Variants in CNTN6 observed in about 807,000 individuals in gnomAD.
The protein encoded by CNTN6 is contactin-6.
A neutral mutation model predicts 122.8 loss-of-function variants in CNTN6; 137 were observed. The observed-to-expected ratio is 1.12, with a 90% CI of 0.97 to 1.29. The LOEUF (loss-of-function observed/expected upper bound fraction) is 1.29, where lower values mean the gene tolerates loss of function less well. Ranked by LOEUF, CNTN6 falls within the 50% of genes most tolerant of loss-of-function variation. The probability of loss-of-function intolerance (pLI) is 0.00; values close to 1 mark genes in which losing one functional copy is unlikely to be tolerated. For missense variants in CNTN6, 1,634 were observed against 1,223.4 expected (o/e 1.34, Z -5.01); for synonymous variants, 570 against 426.0 (o/e 1.34, Z -4.16).
At chr3:1,130,112 A>G (rs2092297026) in intron 1 of CNTN6, among the ~76,000 whole-genome samples, 1 of 152,070 alleles carries the variant, frequency 6.6e-6, no homozygotes. Context: ...AAGAAGATTG[A>G]TTAGGGGTAA....
At chr3:1,157,755 G>A (rs953156827) in intron 2 of CNTN6, among the ~76,000 whole-genome samples, 12 of 152,012 alleles carry the variant, frequency 7.9e-5, no homozygotes, top group African/African-American at 2.9e-4. Flanking sequence ...AACATGTGAA[G>A]TTTGTCTTTC....
At chr3:1,318,044 G>C (rs1231495158) in intron 7 of CNTN6, among the ~76,000 whole-genome samples, 1 of 150,078 alleles carries the variant, frequency 6.7e-6, no homozygotes, top group Non-Finnish European at 1.5e-5. Flanking sequence ...TGTTTTATCA[G>C]ACTTACAACT....
intron 1 of CNTN6, among the ~76,000 whole-genome samples, chr3:1,134,129 G>T (rs1405418667): frequency 1.3e-5 from 2 of 152,064 alleles, no homozygotes; most frequent in South Asian, 2.1e-4. Flanking sequence ...GGCCCCGATC[G>T]ACCATATAAC....
Position 1,372,473 on chromosome 3 carries a change from G to C in CNTN6, c.1667G>C (p.Gly556Ala). ...GTGGCTCATTTTGAAAGGATTGGAGGAGTAAGTTACTGAAATTGTTAAGTG... is the reference window on the plus strand; with the variant it reads ...GTGGCTCATTTTGAAAGGATTGGAGCAGTAAGTTACTGAAATTGTTAAGTG... Reference protein sequence around the residue: ...KGVAHFERIGGESVGDLMIRN... With the variant: ...KGVAHFERIGAESVGDLMIRN... Residue 556 changes from glycine (G) to alanine (A), a missense_variant and splice_region_variant, in exon 13 of 23, where the codon GGA becomes GCA. Physicochemically the swap from Gly to Ala is moderately conservative, Grantham distance 60. Coordinates refer to ENST00000446702, the MANE Select transcript of CNTN6 (RefSeq NM_001289080.2). 6.3e-7 allele frequency: 1 copy of C among 1,599,516 alleles called. No individual in the cohort carries two copies. Among genetic ancestry groups the C allele is most frequent in the Non-Finnish European group, 8.5e-7 (1 of 1,174,754 alleles).
At chr3:1,098,107 G>T (rs2090633532) in intron 1 of CNTN6, among the ~76,000 whole-genome samples, 1 of 150,662 alleles carries the variant, frequency 6.6e-6, no homozygotes, top group Non-Finnish European at 1.5e-5. Flanking sequence ...GGGGGGGAGG[G>T]ATAGCATTGG....
chr3:1,181,029 A>G (rs2314151), intron 2 of CNTN6, among the ~76,000 whole-genome samples: 56,388 of 151,762 alleles, frequency 0.37, 11,248 homozygotes, highest in East Asian at 0.75. Context: ...ATGACTGCTT[A>G]CACTGTTGTA....
At chr3:1,158,642 A>T (rs1374338295) in intron 2 of CNTN6, among the ~76,000 whole-genome samples, 1 of 151,492 alleles carries the variant, frequency 6.6e-6, no homozygotes, top group Non-Finnish European at 1.5e-5. Context: ...GCAAGATCAT[A>T]GCTCACTGCA....
chr3:1,245,227 T>TATAAC (rs2094549588), intron 4 of CNTN6, among the ~76,000 whole-genome samples: 5 of 12,530 alleles, frequency 4.0e-4, no homozygotes, highest in Admixed American at 8.2e-4. Flanking sequence ...TATATATATA[T>TATAAC]ATATATATAC....
At chr3:1,130,861 A>C (rs563679777) in intron 1 of CNTN6, among the ~76,000 whole-genome samples, 1 of 152,334 alleles carries the variant, frequency 6.6e-6, no homozygotes, top group African/African-American at 2.4e-5. Context: ...AGCAACTATT[A>C]GAAATGGAAT....
At chr3:1,367,936 G>T (rs978319967) in intron 12 of CNTN6, among the ~76,000 whole-genome samples, 3 of 152,174 alleles carry the variant, frequency 2.0e-5, no homozygotes, top group Non-Finnish European at 4.4e-5. Context: ...GTCTCTGTGG[G>T]ATTTGCAAAA....
chr3:1,314,035 G>A (rs1369189177), intron 7 of CNTN6, among the ~76,000 whole-genome samples: 1 of 152,012 alleles, frequency 6.6e-6, no homozygotes, highest in Non-Finnish European at 1.5e-5. Flanking sequence ...ATTTGGGGAG[G>A]ACACAAACAT....
chr3:1,151,003 A>AG (rs2092829839), intron 2 of CNTN6, among the ~76,000 whole-genome samples: 1 of 152,126 alleles, frequency 6.6e-6, no homozygotes, highest in Non-Finnish European at 1.5e-5. Context: ...TGGGAAAGGC[A>AG]GGGGGACAGA....
chr3:1,279,654 T>C (rs1336979967), intron 5 of CNTN6, among the ~76,000 whole-genome samples: 2 of 152,218 alleles, frequency 1.3e-5, no homozygotes, highest in African/African-American at 2.4e-5. Flanking sequence ...GTTGTTATAA[T>C]TGATTTCCAC....
At chr3:1,388,147 G>C (rs544876974) in intron 20 of CNTN6, among the ~76,000 whole-genome samples, 2 of 152,038 alleles carry the variant, frequency 1.3e-5, no homozygotes, top group Admixed American at 6.5e-5. Flanking sequence ...AACGTCTGCA[G>C]AGTTAAATGT....
chr3:1,360,232 T>C (rs1463760707), intron 12 of CNTN6, among the ~76,000 whole-genome samples: 1 of 152,140 alleles, frequency 6.6e-6, no homozygotes, highest in African/African-American at 2.4e-5. Context: ...TCTGAAAGCC[T>C]AAACTTTGTT....
intron 5 of CNTN6, among the ~76,000 whole-genome samples, chr3:1,295,287 GTTA>G (rs1696013822): frequency 6.6e-6 from 1 of 152,100 alleles, no homozygotes; most frequent in Admixed American, 6.5e-5. Context: ...ATTTGGAACA[GTTA>G]TTATTTTATA....
intron 20 of CNTN6, among the ~76,000 whole-genome samples, chr3:1,399,891 G>C (rs543610354): frequency 6.6e-6 from 1 of 152,136 alleles, no homozygotes; most frequent in Admixed American, 6.6e-5. Flanking sequence ...AATAAAATAT[G>C]AACTAAGCCT....
intron 4 of CNTN6, among the ~76,000 whole-genome samples, chr3:1,274,460 G>C (rs1398019932): frequency 2.0e-5 from 3 of 152,158 alleles, no homozygotes; most frequent in Non-Finnish European, 2.9e-5. Flanking sequence ...TTGAGGATCA[G>C]TAGAGTTTAT....
chr3:1,146,906 T>G (rs1417246590), intron 1 of CNTN6, among the ~76,000 whole-genome samples: 1 of 152,150 alleles, frequency 6.6e-6, no homozygotes, highest in Non-Finnish European at 1.5e-5. Flanking sequence ...ATACCTATGT[T>G]GACCCCTGAA....
Sources: gnomAD v4.1 joint callset for allele counts (sites outside exome capture counted in the v4.1 genomes callset) on GRCh38, gnomAD v4.1.1 for gene constraint, MANE v1.5 for transcripts, NCBI Gene and HGNC (gene_info 2026-07-23, HGNC 2026-07-21) for gene names.